Variants in COL4A2 observed in about 807,000 individuals in gnomAD.
The protein encoded by COL4A2 is collagen type IV alpha 2 chain.
A neutral mutation model predicts 200.2 loss-of-function variants in COL4A2; 99 were observed. The observed-to-expected ratio is 0.49, with a 90% CI of 0.42 to 0.58. The LOEUF is 0.58. Among genes scored for constraint, COL4A2 ranks in the 20% least tolerant of loss-of-function variants. COL4A2 has a pLI of 0.00. For synonymous variants in COL4A2, 897 were observed against 900.6 expected, an observed-to-expected ratio of 1.00 and a Z score of 0.07; for missense variants, 1,950 against 2,314.1, an observed-to-expected ratio of 0.84 and a Z score of 3.23.
At chr13:110,371,939 C>T (rs939950611) in intron 4 of COL4A2, among the ~76,000 whole-genome samples, 1 of 152,104 alleles carries the variant, frequency 6.6e-6, no homozygotes, top group Admixed American at 6.5e-5. Flanking sequence ...AGGGAATTGG[C>T]TCATGGAGGG....
At chr13:110,449,911 A>C in intron 19 of COL4A2, 122 bp downstream of exon 19, 1 of 1,116,578 alleles carries the variant, frequency 9.0e-7, no homozygotes, top group Non-Finnish European at 1.3e-6. Flanking sequence ...CCCACTGACT[A>C]GTCTTAGCAG....
intron 4 of COL4A2, among the ~76,000 whole-genome samples, chr13:110,395,711 G>A (rs1301023816): frequency 2.0e-5 from 3 of 152,198 alleles, no homozygotes; most frequent in Non-Finnish European, 2.9e-5. Context: ...TTAGGAGGCC[G>A]AGGAGGGCGG....
chr13:110,337,290 A>C (rs1371962171), intron 3 of COL4A2, among the ~76,000 whole-genome samples: 1 of 152,212 alleles, frequency 6.6e-6, no homozygotes, highest in Non-Finnish European at 1.5e-5. Context: ...GCTCGTGTGA[A>C]GGACACTGTA....
At chr13:110,422,354 T>C (rs1359115896) in intron 4 of COL4A2, among the ~76,000 whole-genome samples, 1 of 151,734 alleles carries the variant, frequency 6.6e-6, no homozygotes, top group African/African-American at 2.4e-5. Context: ...GCATTGGAGA[T>C]AGAATGAGTC....
chr13:110,489,702 A>C lies in COL4A2; in HGVS notation c.3272-9A>C. The C allele has an allele frequency of 6.2e-7, 1 of 1,614,222 alleles. No homozygotes were observed. Among genetic ancestry groups the C allele is most frequent in the Non-Finnish European group, 8.5e-7 (1 of 1,180,028 alleles). Reference sequence around the variant, plus strand: ...TCCTGTTCTTAGCCGTCTTTTTTGCATGTAACAGGTGACATCGGGGACACT... The same window carrying C: ...TCCTGTTCTTAGCCGTCTTTTTTGCCTGTAACAGGTGACATCGGGGACACT... On this transcript the variant is annotated splice_polypyrimidine_tract_variant and intron_variant, in intron 35 of 47. Transcript: ENST00000360467.
At chr13:110,439,495 C>T (rs1176646138) in intron 15 of COL4A2, among the ~76,000 whole-genome samples, 1 of 152,190 alleles carries the variant, frequency 6.6e-6, no homozygotes, top group African/African-American at 2.4e-5. Flanking sequence ...CTGACGTCTT[C>T]CACAGGGAAG....
chr13:110,317,216 CACACACACAG>C (rs1885158596), intron 3 of COL4A2, among the ~76,000 whole-genome samples: 1 of 101,906 alleles, frequency 9.8e-6, no homozygotes, highest in Admixed American at 1.3e-4. Context: ...ACGTGCACCC[CACACACACAG>C]ACACACACAT....
chr13:110,490,138 C>G (rs1284565065), intron 36 of COL4A2, among the ~76,000 whole-genome samples: 1 of 152,126 alleles, frequency 6.6e-6, no homozygotes, highest in Non-Finnish European at 1.5e-5. Flanking sequence ...GTCGCTGACC[C>G]GAGCTTCTCA....
intron 45 of COL4A2, among the ~76,000 whole-genome samples, chr13:110,504,880 T>A (rs912709518): frequency 1.3e-5 from 2 of 151,904 alleles, no homozygotes; most frequent in African/African-American, 4.8e-5. Flanking sequence ...AGTGCTGGGA[T>A]TACAGGTGTA....
At chr13:110,336,754 G>A (rs1258561510) in intron 3 of COL4A2, among the ~76,000 whole-genome samples, 1 of 152,178 alleles carries the variant, frequency 6.6e-6, no homozygotes, top group African/African-American at 2.4e-5. Context: ...ATTATATACA[G>A]AGCCTTGACC....
At chr13:110,464,769 A>G (rs1203015225) in intron 24 of COL4A2, among the ~76,000 whole-genome samples, 2 of 152,048 alleles carry the variant, frequency 1.3e-5, no homozygotes, top group East Asian at 1.9e-4. Flanking sequence ...GCACGTGGGG[A>G]CAGCACCGAG....
At chr13:110,453,454 C>T (rs1274920854) in intron 20 of COL4A2, among the ~76,000 whole-genome samples, 5 of 152,028 alleles carry the variant, frequency 3.3e-5, no homozygotes, top group Admixed American at 6.6e-5. Context: ...TGAGCCAAGA[C>T]CGCACCTTTG....
At chr13:110,466,939 C>A in intron 26 of COL4A2, 101 bp from the exon 27 acceptor site, 1 of 1,433,348 alleles carries the variant, frequency 7.0e-7, no homozygotes, top group Non-Finnish European at 9.6e-7. Flanking sequence ...GAATGGTAGC[C>A]GGTTTGCACA....
At chr13:110,495,201 T>C in intron 39 of COL4A2, 141 bp from the exon 40 acceptor site, 1 of 928,942 alleles carries the variant, frequency 1.1e-6, no homozygotes, top group Non-Finnish European at 1.7e-6. Flanking sequence ...CTGGAGGCCA[T>C]ATATTGCAAT....
At chr13:110,485,495 C>A (rs1883087605) in intron 33 of COL4A2, among the ~76,000 whole-genome samples, 160 bp from the exon 34 acceptor site, 1 of 135,028 alleles carries the variant, frequency 7.4e-6, no homozygotes. Flanking sequence ...TGCACTCCAG[C>A]CTGGGCGACA....
intron 4 of COL4A2, among the ~76,000 whole-genome samples, chr13:110,394,911 A>C (rs1483537262): frequency 6.6e-6 from 1 of 152,214 alleles, no homozygotes; most frequent in Non-Finnish European, 1.5e-5. Flanking sequence ...GAACAAATTC[A>C]AAACAAGTAA....
rs145251384 is a variant in COL4A2, at chr13:110,370,212, G to GA, written c.180+12670dup. Reference sequence around the variant, plus strand: ...AGTAATGTATTTCTACCAAAAAAAAGAAAAAAAAAACAAGGGTTTTTTTTA... The same window carrying GA: ...AGTAATGTATTTCTACCAAAAAAAAGAAAAAAAAAAACAAGGGTTTTTTTTA... On this transcript the variant is annotated intron_variant, in intron 4 of 47. Coordinates refer to ENST00000360467, the MANE Select transcript of COL4A2 (RefSeq NM_001846.4). Among the ~76,000 whole-genome samples, 278 of 148,450 alleles carry GA rather than the reference G, an allele frequency of 1.9e-3. 1 individual carries two copies. Among genetic ancestry groups the GA allele is most frequent in the South Asian group, 0.01 (49 of 4,684 alleles).
At chr13:110,455,823 A>C (rs1371948667) in intron 20 of COL4A2, among the ~76,000 whole-genome samples, 1 of 152,076 alleles carries the variant, frequency 6.6e-6, no homozygotes, top group Non-Finnish European at 1.5e-5. Context: ...GGGTTCTTTA[A>C]AGTTGGAGTT....
chr13:110,465,726 C>CG, intron 25 of COL4A2, 120 bp downstream of exon 25: 1 of 1,005,690 alleles, frequency 9.9e-7, no homozygotes, highest in South Asian at 1.7e-5. Context: ...CATCTGTTCT[C>CG]GCACGTACAA....
Sources: gnomAD v4.1 joint callset for allele counts (sites outside exome capture counted in the v4.1 genomes callset) on GRCh38, gnomAD v4.1.1 for gene constraint, MANE v1.5 for transcripts, NCBI Gene and HGNC (gene_info 2026-07-23, HGNC 2026-07-21) for gene names.